The following SLC14A2 variants were observed in gnomAD, a reference collection of about 807,000 sequenced individuals.
SLC14A2 encodes solute carrier family 14 member 2, also known as urea transporter 2.
SLC14A2 carries 91 observed loss-of-function variants against 104.6 expected under a neutral mutation model. That is an observed-to-expected ratio of 0.87 (90% CI 0.73 to 1.04). The LOEUF is 1.04. Among genes scored for constraint, SLC14A2 ranks in the 50% least tolerant of loss-of-function variants. The pLI is 0.00. For synonymous variants in SLC14A2, 476 were observed against 466.4 expected (o/e 1.02, Z -0.27); for missense variants, 1,189 against 1,156.0 (o/e 1.03, Z -0.41).
At chr18:45,312,052 C>T (rs2085084429) in intron 1 of SLC14A2, among the ~76,000 whole-genome samples, 1 of 152,206 alleles carries the variant, frequency 6.6e-6, no homozygotes, top group South Asian at 2.1e-4. Context: ...TAGTGGGTGA[C>T]ACATGAGCTC....
rs1443938086 is a variant in SLC14A2 at position 45,639,819 on chromosome 18, T to C, written c.917T>C (p.Leu306Pro). 1 of 1,614,072 alleles carries C rather than the reference T, an allele frequency of 6.2e-7. No homozygotes were observed. ...AATCCCTGGACAGGCGGCGTGTTCC[T>C]GGTGGCTCTGTTCATCTCCTCGCCA... ...CDNPWTGGVF[L>P]VALFISSPLI... Residue 306 changes from leucine (L) to proline (P), a missense_variant, in exon 7 of 20, where the codon CTG (leucine) becomes CCG (proline). Physicochemically the swap from Leu to Pro is moderately conservative, Grantham distance 98. Coordinates refer to ENST00000255226, the MANE Select transcript of SLC14A2 (RefSeq NM_007163.4).
upstream of SLC14A2, among the ~76,000 whole-genome samples, chr18:45,611,147 A>T (rs113381295): frequency 6.6e-6 from 1 of 152,078 alleles, no homozygotes; most frequent in African/African-American, 2.4e-5. Flanking sequence ...GCCTCCTCCC[A>T]TTCCAAACAC....
At chr18:45,455,055 C>T (rs538592037) in intron 1 of SLC14A2, among the ~76,000 whole-genome samples, 1 of 152,200 alleles carries the variant, frequency 6.6e-6, no homozygotes, top group South Asian at 2.1e-4. Flanking sequence ...TCAATGGTAG[C>T]TTAATGGGGA....
intron 1 of SLC14A2, among the ~76,000 whole-genome samples, chr18:45,216,698 C>T (rs1049104971): frequency 9.3e-5 from 14 of 150,688 alleles, no homozygotes; most frequent in African/African-American, 3.4e-4. Flanking sequence ...TTGAGACTTC[C>T]TGCCATCTTG....
intron 1 of SLC14A2, among the ~76,000 whole-genome samples, chr18:45,306,898 T>A (rs1231320179): frequency 1.3e-5 from 2 of 152,184 alleles, no homozygotes; most frequent in East Asian, 3.9e-4. Flanking sequence ...TGTTCTCATT[T>A]TTTTCTCTCC....
the SLC14A2 span, among the ~76,000 whole-genome samples, chr18:45,185,945 C>A: frequency 6.6e-6 from 1 of 152,064 alleles, no homozygotes; most frequent in East Asian, 1.9e-4. Context: ...ACAAAGAAAA[C>A]CACAGAATAT....
intron 1 of SLC14A2, among the ~76,000 whole-genome samples, chr18:45,361,662 G>T (rs1384271410): frequency 1.3e-5 from 2 of 152,116 alleles, no homozygotes; most frequent in Non-Finnish European, 2.9e-5. Context: ...ACACTGTGGG[G>T]GCATAAGAGC....
chr18:45,464,784 G>T (rs2087109618), intron 1 of SLC14A2, among the ~76,000 whole-genome samples: 1 of 152,182 alleles, frequency 6.6e-6, no homozygotes, highest in Non-Finnish European at 1.5e-5. Context: ...CTCCAAGGGG[G>T]CTGGTGTGGA....
the SLC14A2 span, among the ~76,000 whole-genome samples, chr18:45,175,665 C>T: frequency 2.0e-5 from 3 of 152,262 alleles, no homozygotes; most frequent in African/African-American, 4.8e-5. Context: ...CAGTAAGTCA[C>T]ACCACAAGCT....
the SLC14A2 span, among the ~76,000 whole-genome samples, chr18:45,176,716 A>T: frequency 2.0e-5 from 3 of 152,072 alleles, no homozygotes; most frequent in African/African-American, 7.2e-5. Context: ...TGCATTGTGG[A>T]CTTTTCTCAC....
intron 1 of SLC14A2, among the ~76,000 whole-genome samples, chr18:45,623,729 C>T (rs1342187771): frequency 6.6e-6 from 1 of 152,088 alleles, no homozygotes; most frequent in Non-Finnish European, 1.5e-5. Context: ...GATCTGTGAT[C>T]CCTGTCCTAA....
intron 1 of SLC14A2, among the ~76,000 whole-genome samples, chr18:45,445,648 T>C (rs997907125): frequency 3.9e-5 from 6 of 152,202 alleles, no homozygotes; most frequent in African/African-American, 1.2e-4. Flanking sequence ...ATGAGTAATA[T>C]GTGCAAACAT....
At chr18:45,349,672 G>T (rs1035314387) in intron 1 of SLC14A2, among the ~76,000 whole-genome samples, 1 of 152,196 alleles carries the variant, frequency 6.6e-6, no homozygotes, top group East Asian at 1.9e-4. Context: ...ACCCATCTTG[G>T]TTACAGCTCT....
chr18:45,171,579 G>T, the SLC14A2 span, among the ~76,000 whole-genome samples: 1 of 152,022 alleles, frequency 6.6e-6, no homozygotes. Context: ...AAAGTGTATG[G>T]ACTATTAATG....
intron 1 of SLC14A2, among the ~76,000 whole-genome samples, chr18:45,475,641 GGATATATATATATA>G (rs2087352250): frequency 1.7e-4 from 2 of 11,650 alleles, no homozygotes; most frequent in African/African-American, 2.2e-4. Flanking sequence ...TATATATTTA[GGATATATATATATA>G]TATATATATA....
At chr18:45,333,627 T>C (rs17743292) in intron 1 of SLC14A2, among the ~76,000 whole-genome samples, 6,998 of 152,274 alleles carry the variant, frequency 0.046, 264 homozygotes, top group Non-Finnish European at 0.071. Context: ...AACATCACCT[T>C]TTTGCTAGGC....
At chr18:45,632,145 TTGTGTGTGTGTGTGTGTGTG>T (rs34666828) in intron 4 of SLC14A2, among the ~76,000 whole-genome samples, 185 bp from the exon 5 acceptor site, 2 of 113,564 alleles carry the variant, frequency 1.8e-5, no homozygotes, top group African/African-American at 6.7e-5. Flanking sequence ...GTGTGTGTGT[TTGTGTGTGTGTGTGTGTGTG>T]TGTGTTATCA....
intron 18 of SLC14A2, among the ~76,000 whole-genome samples, chr18:45,678,496 C>T (rs1219725380): frequency 6.6e-6 from 1 of 152,112 alleles, no homozygotes; most frequent in Non-Finnish European, 1.5e-5. Flanking sequence ...TGGCCAGCCT[C>T]GTCATGCCTT....
At chr18:45,550,971 A>T (rs923859135) in intron 2 of SLC14A2, among the ~76,000 whole-genome samples, 6 of 152,208 alleles carry the variant, frequency 3.9e-5, no homozygotes, top group Admixed American at 3.9e-4. Context: ...GGCTAGAATA[A>T]TCAGGAAGGC....
Sources: gnomAD v4.1 joint callset for allele counts (sites outside exome capture counted in the v4.1 genomes callset) on GRCh38, gnomAD v4.1.1 for gene constraint, MANE v1.5 for transcripts, NCBI Gene and HGNC (gene_info 2026-07-23, HGNC 2026-07-21) for gene names.